THSD7A: variants seen among roughly 807,000 people sequenced by gnomAD.
THSD7A encodes thrombospondin type 1 domain containing 7A, also known as thrombospondin type-1 domain-containing protein 7A.
THSD7A carries 96 observed loss-of-function variants against 231.3 expected under a neutral mutation model. The ratio of observed to expected loss-of-function variants is 0.41; its 90% CI spans 0.35 to 0.49. THSD7A has a LOEUF of 0.49. Among genes scored for constraint, THSD7A ranks in the 20% least tolerant of loss-of-function variants. The probability of loss-of-function intolerance (pLI) is 0.05; values close to 1 mark genes in which losing one functional copy is unlikely to be tolerated. For missense variants in THSD7A, 2,290 were observed against 2,070.2 expected (o/e 1.11, Z -2.06); for synonymous variants, 940 against 743.3 (o/e 1.26, Z -4.30).
chr7:11,437,493 A>G (rs1784670457), intron 13 of THSD7A, among the ~76,000 whole-genome samples: 1 of 152,020 alleles, frequency 6.6e-6, no homozygotes, highest in Non-Finnish European at 1.5e-5. Flanking sequence ...CCTCTCTTTT[A>G]CATTTGAAAG....
intron 1 of THSD7A, among the ~76,000 whole-genome samples, chr7:11,727,602 G>A (rs568338942): frequency 9.2e-5 from 14 of 152,062 alleles, no homozygotes; most frequent in African/African-American, 2.9e-4. Context: ...ATGAGTAGAT[G>A]TGAAATACTA....
intron 2 of THSD7A, among the ~76,000 whole-genome samples, chr7:11,602,813 G>A (rs1030375789): frequency 2.6e-5 from 4 of 151,446 alleles, no homozygotes; most frequent in African/African-American, 9.7e-5. Flanking sequence ...GTGGGAAAAT[G>A]AATTATTACA....
intron 4 of THSD7A, among the ~76,000 whole-genome samples, chr7:11,549,433 T>C (rs1400467192): frequency 2.6e-5 from 4 of 152,186 alleles, no homozygotes; most frequent in Non-Finnish European, 5.9e-5. Context: ...ACTGGGTATA[T>C]ACCCAGATGA....
At chr7:11,409,955 T>A (rs1783724687) in intron 19 of THSD7A, among the ~76,000 whole-genome samples, 1 of 152,144 alleles carries the variant, frequency 6.6e-6, no homozygotes, top group Non-Finnish European at 1.5e-5. Context: ...TTGGTCAGGC[T>A]GGTCCTGAAC....
chr7:11,513,533 G>T lies in THSD7A; in HGVS notation c.1822+27886C>A, dbSNP rs547411740. Among the ~76,000 whole-genome samples the T allele has an allele frequency of 5.9e-5, 9 of 152,134 alleles. No individual in the cohort carries two copies. The East Asian group carries it at 1.7e-3, about 30-fold the overall frequency. ...CTTGAAAACGTTATGGTAACTTAAA[G>T]AAGCCAGACACAACAGGTCACATAT... On this transcript the variant is annotated intron_variant, in intron 6 of 27. Transcript: ENST00000423059.
At chr7:11,575,193 C>T (rs879448350) in intron 4 of THSD7A, among the ~76,000 whole-genome samples, 12 of 152,260 alleles carry the variant, frequency 7.9e-5, no homozygotes, top group East Asian at 5.8e-4. Flanking sequence ...TTCAAATTAA[C>T]GCATTTTGAT....
At chr7:11,488,818 C>G (rs1317336591) in intron 6 of THSD7A, among the ~76,000 whole-genome samples, 2 of 152,110 alleles carry the variant, frequency 1.3e-5, no homozygotes, top group Admixed American at 6.6e-5. Context: ...TACATTCTAT[C>G]CACAGAAAGC....
chr7:11,375,942 A>G, intron 27 of THSD7A, 64 bp from the exon 28 acceptor site: 2 of 1,510,828 alleles, frequency 1.3e-6, no homozygotes, highest in Non-Finnish European at 1.8e-6. Context: ...TGATTGCTTT[A>G]AGCGAAAAAA....
intron 23 of THSD7A, among the ~76,000 whole-genome samples, chr7:11,399,116 C>A (rs1344766083): frequency 1.3e-5 from 2 of 152,180 alleles, no homozygotes; most frequent in African/African-American, 4.8e-5. Context: ...CAAATCTCAA[C>A]AAGGAGTTGT....
intron 9 of THSD7A, 22 bp downstream of exon 9, chr7:11,469,857 T>C: frequency 6.5e-7 from 1 of 1,530,442 alleles, no homozygotes; most frequent in Non-Finnish European, 8.9e-7. Context: ...GTGAACAGCC[T>C]TCCTAACTCT....
At chr7:11,531,201 C>A (rs1788694375) in intron 6 of THSD7A, among the ~76,000 whole-genome samples, 1 of 152,164 alleles carries the variant, frequency 6.6e-6, no homozygotes, top group African/African-American at 2.4e-5. Context: ...TTAGCACTGT[C>A]CCCTCCACTG....
intron 23 of THSD7A, among the ~76,000 whole-genome samples, chr7:11,386,036 G>A (rs1782728381): frequency 1.3e-5 from 2 of 152,164 alleles, no homozygotes; most frequent in Admixed American, 1.3e-4. Flanking sequence ...TCCCTGCAAA[G>A]GACATGAACT....
intron 1 of THSD7A, among the ~76,000 whole-genome samples, chr7:11,644,604 TAAG>T (rs1445215217): frequency 3.3e-5 from 5 of 151,952 alleles, no homozygotes; most frequent in African/African-American, 1.2e-4. Context: ...TAAACTTTAA[TAAG>T]AAATTATATA....
chr7:11,825,061 T>A (rs553031145), intron 1 of THSD7A, among the ~76,000 whole-genome samples: 1 of 152,212 alleles, frequency 6.6e-6, no homozygotes, highest in South Asian at 2.1e-4. Flanking sequence ...TCTATATATT[T>A]TTTTTTGTCT....
chr7:11,756,552 G>C (rs536951853), intron 1 of THSD7A, among the ~76,000 whole-genome samples: 42 of 152,058 alleles, frequency 2.8e-4, no homozygotes, highest in East Asian at 1.4e-3. Flanking sequence ...AACAAGAAAG[G>C]CTTTAGTAAA....
intron 27 of THSD7A, among the ~76,000 whole-genome samples, chr7:11,376,170 T>C (rs922159913): frequency 3.9e-5 from 6 of 152,052 alleles, no homozygotes; most frequent in African/African-American, 1.4e-4. Context: ...TAGGGTCATT[T>C]TCATTTGGCC....
chr7:11,647,966 A>T (rs969003799), intron 1 of THSD7A, among the ~76,000 whole-genome samples: 8 of 152,078 alleles, frequency 5.3e-5, no homozygotes, highest in African/African-American at 1.7e-4. Flanking sequence ...TAGATACTCA[A>T]TTCTGCCTCT....
chr7:11,669,962 G>A (rs972866280), intron 1 of THSD7A, among the ~76,000 whole-genome samples: 2 of 124,452 alleles, frequency 1.6e-5, no homozygotes, highest in African/African-American at 6.3e-5. Context: ...TTTAAGTACT[G>A]TTGCATTCAT....
At chr7:11,449,104 T>C (rs768099452) in intron 11 of THSD7A, among the ~76,000 whole-genome samples, 1 of 152,090 alleles carries the variant, frequency 6.6e-6, no homozygotes, top group Non-Finnish European at 1.5e-5. Flanking sequence ...TGGATAACCT[T>C]TGGAAAATAC....
Sources: gnomAD v4.1 joint callset for allele counts (sites outside exome capture counted in the v4.1 genomes callset) on GRCh38, gnomAD v4.1.1 for gene constraint, MANE v1.5 for transcripts, NCBI Gene and HGNC (gene_info 2026-07-23, HGNC 2026-07-21) for gene names.